Variants in MORC1 observed in about 807,000 individuals in gnomAD.
MORC1 encodes MORC family CW-type zinc finger 1, also known as MORC family CW-type zinc finger protein 1.
A neutral mutation model predicts 134.9 loss-of-function variants in MORC1; 59 were observed. That is an observed-to-expected ratio of 0.44 (90% CI 0.35 to 0.54). The LOEUF is 0.54. MORC1 is among the 20% of genes least tolerant of loss of function. The probability of loss-of-function intolerance (pLI) is 0.00; values close to 1 mark genes in which losing one functional copy is unlikely to be tolerated. For synonymous variants in MORC1, 395 were observed against 391.7 expected, an observed-to-expected ratio of 1.01 and a Z score of -0.10; for missense variants, 947 against 1,134.5, an observed-to-expected ratio of 0.83 and a Z score of 2.37.
At chr3:108,975,153 C>G (rs1947514351) in intron 24 of MORC1, among the ~76,000 whole-genome samples, 1 of 152,210 alleles carries the variant, frequency 6.6e-6, no homozygotes, top group South Asian at 2.1e-4. Flanking sequence ...TCCAGCTGTT[C>G]TTTTAAACAA....
chr3:108,986,834 A>T, intron 22 of MORC1, 46 bp downstream of exon 22: 2 of 1,305,500 alleles, frequency 1.5e-6, no homozygotes, highest in South Asian at 1.5e-5. Flanking sequence ...AATGTCTCAA[A>T]CATTATAGCT....
intron 3 of MORC1, among the ~76,000 whole-genome samples, chr3:109,108,403 A>G (rs1322294919): frequency 6.6e-6 from 1 of 152,104 alleles, no homozygotes; most frequent in Admixed American, 6.5e-5. Flanking sequence ...TCAATCCTCC[A>G]TCAATTGTGC....
At chr3:109,057,213 A>G in intron 13 of MORC1, 130 bp downstream of exon 13, 1 of 915,920 alleles carries the variant, frequency 1.1e-6, no homozygotes, top group Non-Finnish European at 1.5e-6. Flanking sequence ...CTGCACTTCA[A>G]CAGGAAGGGT....
At chr3:108,990,011 C>T (rs1351655669) in intron 21 of MORC1, among the ~76,000 whole-genome samples, 1 of 152,086 alleles carries the variant, frequency 6.6e-6, no homozygotes, top group Non-Finnish European at 1.5e-5. Flanking sequence ...CAGTAAGTCT[C>T]ATGAGATCTG....
chr3:109,087,178 C>T (rs1331687076), intron 8 of MORC1, among the ~76,000 whole-genome samples: 1 of 40,020 alleles, frequency 2.5e-5, no homozygotes, highest in Non-Finnish European at 5.7e-5. Flanking sequence ...AACCACCTGG[C>T]AAACAAGGGA....
At chr3:109,013,968 T>C (rs1948758169) in intron 17 of MORC1, among the ~76,000 whole-genome samples, 3 of 152,204 alleles carry the variant, frequency 2.0e-5, no homozygotes, top group Non-Finnish European at 1.5e-5. Flanking sequence ...TACTGGCACC[T>C]TGATATTGAA....
At chr3:109,011,832 G>C (rs1948693515) in intron 17 of MORC1, among the ~76,000 whole-genome samples, 1 of 152,132 alleles carries the variant, frequency 6.6e-6, no homozygotes, top group Non-Finnish European at 1.5e-5. Flanking sequence ...AGTTTTAAAA[G>C]TTCTCTCCAT....
chr3:109,091,799 A>T (rs927287279), intron 8 of MORC1, among the ~76,000 whole-genome samples: 3 of 152,236 alleles, frequency 2.0e-5, no homozygotes, highest in African/African-American at 4.8e-5. Context: ...TGAAAAACAA[A>T]TTAGAAAATC....
chr3:109,043,966 C>T (rs3804683), intron 14 of MORC1, among the ~76,000 whole-genome samples: 1 of 151,938 alleles, frequency 6.6e-6, no homozygotes, highest in African/African-American at 2.4e-5. Context: ...CAAGATAGGT[C>T]GATTAAAAAA....
At chr3:109,070,038 T>C (rs1379970597) in intron 8 of MORC1, among the ~76,000 whole-genome samples, 1 of 152,174 alleles carries the variant, frequency 6.6e-6, no homozygotes, top group East Asian at 1.9e-4. Context: ...ATAACAGCAA[T>C]CTAAAATATA....
At chr3:109,032,617 C>T in intron 16 of MORC1, 103 bp downstream of exon 16, 4 of 783,142 alleles carry the variant, frequency 5.1e-6, no homozygotes, top group Non-Finnish European at 8.1e-6. Flanking sequence ...ATACCAGATA[C>T]TAAGCTAAAA....
chr3:109,041,897 T>C (rs1017925314), intron 14 of MORC1, among the ~76,000 whole-genome samples: 1 of 151,586 alleles, frequency 6.6e-6, no homozygotes, highest in Non-Finnish European at 1.5e-5. Flanking sequence ...TGAGCCGAGA[T>C]TGTGCCACTA....
At chr3:109,117,099 CT>C (rs1951290318) in intron 1 of MORC1, among the ~76,000 whole-genome samples, 1 of 152,166 alleles carries the variant, frequency 6.6e-6, no homozygotes, top group African/African-American at 2.4e-5. Context: ...TACCTTTTAA[CT>C]TTTTGTTCCA....
chr3:109,088,078 G>C (rs1950650606), intron 8 of MORC1, among the ~76,000 whole-genome samples: 1 of 151,816 alleles, frequency 6.6e-6, no homozygotes, highest in Admixed American at 6.6e-5. Context: ...AATTAACTCA[G>C]GACGAATTAA....
intron 24 of MORC1, among the ~76,000 whole-genome samples, chr3:108,972,865 T>C (rs747186435): frequency 2.2e-4 from 34 of 152,114 alleles, no homozygotes; most frequent in Admixed American, 1.4e-3. Context: ...AAATCAGAAA[T>C]CCCCTAAGAA....
At chr3:109,105,252 C>A (rs376275443) in intron 3 of MORC1, among the ~76,000 whole-genome samples, 1 of 151,768 alleles carries the variant, frequency 6.6e-6, no homozygotes, top group African/African-American at 2.4e-5. Context: ...AGGCTGGGCA[C>A]GGTGGCTCAT....
intron 27 of MORC1, among the ~76,000 whole-genome samples, chr3:108,959,772 A>G (rs1374012791): frequency 6.6e-6 from 1 of 152,208 alleles, no homozygotes; most frequent in African/African-American, 2.4e-5. Flanking sequence ...ATCAACTCAC[A>G]CTAAGTTGTT....
intron 26 of MORC1, among the ~76,000 whole-genome samples, chr3:108,964,350 C>A (rs1164070308): frequency 6.6e-6 from 1 of 152,164 alleles, no homozygotes; most frequent in Non-Finnish European, 1.5e-5. Context: ...AGATACACGG[C>A]AAATCCCATT....
rs573003515 is a variant in MORC1, at chr3:109,106,290, T to C, written c.155-2373A>G. Among the ~76,000 whole-genome samples the C allele has an allele frequency of 2.0e-5, 3 of 152,336 alleles. No homozygotes were observed. In the East Asian group the frequency reaches 5.8e-4, roughly 29 times the overall value. The stretch of plus-strand genomic sequence containing the variant: ...GTAAATATTTCTCCTAGAAGGAGCT[T>C]GCAGAAAGAAGGGTATTCCTTCAGT... On this transcript the variant is annotated intron_variant, in intron 3 of 27. Coordinates refer to ENST00000232603, the MANE Select transcript of MORC1 (RefSeq NM_014429.4).
Sources: gnomAD v4.1 joint callset for allele counts (sites outside exome capture counted in the v4.1 genomes callset) on GRCh38, gnomAD v4.1.1 for gene constraint, MANE v1.5 for transcripts, NCBI Gene and HGNC (gene_info 2026-07-23, HGNC 2026-07-21) for gene names.